Variants in STX17 observed in about 807,000 individuals in gnomAD.
STX17 encodes the protein syntaxin 17.
Under a neutral mutation model 35.9 loss-of-function variants are expected in STX17, and 29 were observed. The observed-to-expected ratio is 0.81, with a 90% CI of 0.60 to 1.10. STX17 has a LOEUF of 1.10. STX17 is among the 50% of genes least tolerant of loss of function. The pLI is 0.00. For missense variants in STX17, 312 were observed against 352.3 expected (o/e 0.89, Z 0.92); for synonymous variants, 92 against 118.3 (o/e 0.78, Z 1.44).
chr9:99,906,877 C>G (rs906765437), intron 1 of STX17, 171 bp downstream of exon 1: 3 of 152,248 alleles, frequency 2.0e-5, no homozygotes, highest in Non-Finnish European at 4.4e-5. Flanking sequence ...CGGAGCCTCG[C>G]TTGGTTTCGT....
intron 3 of STX17, chr9:99,937,817 G>A (rs1829267524): frequency 6.6e-6 from 1 of 151,986 alleles, no homozygotes; most frequent in South Asian, 2.1e-4. Context: ...GGTAGGTGCT[G>A]GATATTTTTA....
At chr9:99,966,255 G>A (rs1171457457) in intron 6 of STX17, among the ~76,000 whole-genome samples, 1 of 152,138 alleles carries the variant, frequency 6.6e-6, no homozygotes, top group Non-Finnish European at 1.5e-5. Flanking sequence ...AACTGATAAG[G>A]GACTTTCTTA....
intron 2 of STX17, among the ~76,000 whole-genome samples, chr9:99,926,942 A>C (rs1335290089): frequency 6.6e-6 from 1 of 152,228 alleles, no homozygotes; most frequent in Non-Finnish European, 1.5e-5. Context: ...ACTTGTGGTC[A>C]CATGTACCAT....
chr9:99,956,277 T>C (rs1426411425), intron 4 of STX17, among the ~76,000 whole-genome samples: 7 of 152,316 alleles, frequency 4.6e-5, no homozygotes, highest in African/African-American at 1.4e-4. Flanking sequence ...CATTATTTTT[T>C]TAGATTAAGT....
intron 6 of STX17, 168 bp from the exon 7 acceptor site, chr9:99,967,485 A>T: frequency 3.1e-6 from 1 of 326,574 alleles, no homozygotes; most frequent in Non-Finnish European, 5.7e-6. Context: ...TTTTTTATGA[A>T]AGTTAATTTG....
chr9:99,937,174 C>T (rs1189101105), intron 3 of STX17, among the ~76,000 whole-genome samples: 1 of 152,090 alleles, frequency 6.6e-6, no homozygotes, highest in Non-Finnish European at 1.5e-5. Context: ...TCTCTCGCTT[C>T]TTTTATGATT....
At chr9:99,926,612 C>G (rs768605519) in intron 2 of STX17, among the ~76,000 whole-genome samples, 6 of 152,062 alleles carry the variant, frequency 3.9e-5, no homozygotes, top group Non-Finnish European at 8.8e-5. Context: ...ATTCTCCTGC[C>G]TCAGCCTCCT....
At chr9:99,918,448 T>G (rs1328595570) in intron 2 of STX17, among the ~76,000 whole-genome samples, 1 of 152,146 alleles carries the variant, frequency 6.6e-6, no homozygotes, top group Non-Finnish European at 1.5e-5. Flanking sequence ...TCCTTTTCTT[T>G]TAAAGAGAAT....
intron 3 of STX17, among the ~76,000 whole-genome samples, chr9:99,946,192 TTTATA>T (rs1328266437): frequency 2.0e-5 from 3 of 152,178 alleles, no homozygotes; most frequent in Admixed American, 6.5e-5. Context: ...TTATATAGTA[TTTATA>T]TTATATTAGG....
chr9:99,909,944 G>C (rs1828626124), intron 1 of STX17, among the ~76,000 whole-genome samples: 1 of 152,006 alleles, frequency 6.6e-6, no homozygotes, highest in African/African-American at 2.4e-5. Flanking sequence ...AAAAAAAGAA[G>C]AAATGCAGCT....
chr9:99,919,362 G>C (rs1201954594), intron 2 of STX17, among the ~76,000 whole-genome samples: 1 of 152,054 alleles, frequency 6.6e-6, no homozygotes, highest in Non-Finnish European at 1.5e-5. Context: ...TCCTGCATTG[G>C]CCTCTCAAAG....
chr9:99,935,548 A>G (rs1337839158), intron 3 of STX17, among the ~76,000 whole-genome samples: 4 of 152,154 alleles, frequency 2.6e-5, no homozygotes, highest in Admixed American at 6.5e-5. Flanking sequence ...GCATTTGAAC[A>G]TTTGCTGTGT....
At chr9:99,915,547 T>G (rs1417245882) in intron 2 of STX17, among the ~76,000 whole-genome samples, 185 bp downstream of exon 2, 2 of 152,316 alleles carry the variant, frequency 1.3e-5, no homozygotes, top group African/African-American at 4.8e-5. Context: ...CTCTCATATA[T>G]TCCTTTTTCT....
At chr9:99,967,838 C>T in intron 7 of STX17, 99 bp downstream of exon 7, 1 of 1,012,940 alleles carries the variant, frequency 9.9e-7, no homozygotes. Flanking sequence ...TTGAGGGAAC[C>T]AGCAATTAAG....
At chr9:99,967,617 A>C in intron 6 of STX17, 36 bp from the exon 7 acceptor site, 1 of 1,600,400 alleles carries the variant, frequency 6.2e-7, no homozygotes. Flanking sequence ...GCTGCTCCCC[A>C]GCAGGACCGC....
In STX17 at chr9:99,968,636, C is replaced by T; in HGVS notation, c.872C>T (p.Pro291Leu). The change falls in exon 8 of 8, where the codon CCA becomes CTA. Residue 291 changes from proline to leucine, a missense_variant. Coordinates refer to ENST00000259400, the MANE Select transcript of STX17 (RefSeq NM_017919.3). ...KMMEKLTSSC[P>L]DLPSQTDKKC... is the part of the protein sequence containing the mutation. ...ATGGAGAAGCTCACTTCCAGCTGTC[C>T]AGATCTTCCCAGCCAAACTGACAAG... 5 of 1,613,810 alleles carry T rather than the reference C, an allele frequency of 3.1e-6. No homozygotes were observed. Among genetic ancestry groups the T allele is most frequent in the Non-Finnish European group, 4.2e-6 (5 of 1,179,884 alleles).
chr9:99,909,884 C>T (rs1195056561), intron 1 of STX17, among the ~76,000 whole-genome samples: 1 of 152,034 alleles, frequency 6.6e-6, no homozygotes, highest in African/African-American at 2.4e-5. Flanking sequence ...ACTCAAATAT[C>T]CCATAAATAT....
chr9:99,954,252 A>G (rs535391286), intron 4 of STX17, among the ~76,000 whole-genome samples: 5 of 152,170 alleles, frequency 3.3e-5, no homozygotes, highest in Admixed American at 3.3e-4. Context: ...TATTAATAAA[A>G]TCAATACCTA....
At chr9:99,925,909 C>T (rs921890394) in intron 2 of STX17, among the ~76,000 whole-genome samples, 1 of 151,850 alleles carries the variant, frequency 6.6e-6, no homozygotes, top group South Asian at 2.1e-4. Context: ...AAATCTTTGG[C>T]GTTAAGTTTT....
Sources: gnomAD v4.1 joint callset for allele counts (sites outside exome capture counted in the v4.1 genomes callset) on GRCh38, gnomAD v4.1.1 for gene constraint, MANE v1.5 for transcripts, NCBI Gene and HGNC (gene_info 2026-07-23, HGNC 2026-07-21) for gene names.